NACC2: variants seen among roughly 807,000 people sequenced by gnomAD.
NACC2 encodes NACC family member 2, also known as nucleus accumbens-associated protein 2.
A neutral mutation model predicts 25.1 loss-of-function variants in NACC2; 8 were observed. That is an observed-to-expected ratio of 0.32 (90% CI 0.19 to 0.57). NACC2 has a LOEUF of 0.57. Ranked by LOEUF, NACC2 falls within the 20% of genes least tolerant of loss-of-function variation. NACC2 has a pLI of 0.89. For synonymous variants in NACC2, 435 were observed against 294.7 expected (o/e 1.48, Z -4.88); for missense variants, 644 against 650.2 (o/e 0.99, Z 0.10).
At chr9:136,027,587 T>G (rs545367420) in intron 2 of NACC2, among the ~76,000 whole-genome samples, 7 of 152,226 alleles carry the variant, frequency 4.6e-5, no homozygotes, top group African/African-American at 1.7e-4. Context: ...CCAAAAAGGT[T>G]TGTAAATTAA....
At chr9:136,038,767 C>T in intron 2 of NACC2, among the ~76,000 whole-genome samples, 1 of 152,104 alleles carries the variant, frequency 6.6e-6, no homozygotes, top group East Asian at 1.9e-4. Context: ...TTAAGTTATG[C>T]ACGAGGGGCA....
rs548166081 is a variant in NACC2 at position 136,086,547 on chromosome 9, G to A, written c.-60+8642C>T. Among the ~76,000 whole-genome samples, 20 of 152,066 alleles carry A rather than the reference G, an allele frequency of 1.3e-4. No individual in the cohort carries two copies. Among genetic ancestry groups the A allele is most frequent in the African/African-American group, 2.7e-4 (11 of 41,462 alleles). On this transcript the variant is annotated intron_variant, in intron 1 of 5. Coordinates refer to ENST00000277554, the MANE Select transcript of NACC2 (RefSeq NM_144653.5). This position sits in a 1 kb window ranked among gnomAD's most constrained non-coding sequence, Gnocchi z 5.6. ...CATCTGCCTGCCAGCACCCAGCCAC[G>A]GTCCCACCCCGGGCTCCACTGTGAC... is the stretch of plus-strand genomic sequence containing the variant.
chr9:136,072,538 C>CT (rs1472432664), intron 1 of NACC2, among the ~76,000 whole-genome samples: 2 of 151,966 alleles, frequency 1.3e-5, no homozygotes, highest in African/African-American at 4.8e-5. Flanking sequence ...GGGCAAGACT[C>CT]TGTCTCAAAA....
In NACC2 at chr9:136,027,303, A is replaced by G. The variant is rs1840407243; in HGVS notation, c.887-10874T>C. ...GAGAAAACCTCAAACAAGAGGACAA[A>G]TGATAGAAAGAGATGTACCAGGTAA... On this transcript the variant is annotated intron_variant, in intron 2 of 5. Transcript: ENST00000277554. Among the ~76,000 whole-genome samples, 8 of 152,350 alleles carry G rather than the reference A, an allele frequency of 5.3e-5. No homozygotes were observed. In the South Asian group the frequency reaches 1.7e-3, roughly 32 times the overall value.
chr9:136,066,086 G>A (rs955566929), intron 1 of NACC2, among the ~76,000 whole-genome samples: 6 of 151,578 alleles, frequency 4.0e-5, no homozygotes, highest in African/African-American at 1.2e-4. Context: ...CCAGCTACTC[G>A]GGAGGCTGAA....
intron 1 of NACC2, among the ~76,000 whole-genome samples, chr9:136,058,574 G>C (rs1044624214): frequency 6.6e-6 from 1 of 152,182 alleles, no homozygotes; most frequent in African/African-American, 2.4e-5. Context: ...CAGACTCTAG[G>C]AACAACAGGA....
rs909259958 is a variant in NACC2, at chr9:136,053,050, G to A, written c.-59-2470C>T. On this transcript the variant is annotated intron_variant, in intron 1 of 5. Coordinates refer to ENST00000277554, the MANE Select transcript of NACC2 (RefSeq NM_144653.5). ...AAAAGAAGGGGCAGGGTCCAGGCTC[G>A]AGGCCTTGAGGTGAGCCCCCTCCTG... Among the ~76,000 whole-genome samples the A allele has an allele frequency of 2.0e-4, 31 of 152,356 alleles. 1 individual carries two copies. The highest frequency in any genetic ancestry group is 7.0e-4 in the African/African-American group (29 of 41,582).
intron 1 of NACC2, among the ~76,000 whole-genome samples, chr9:136,083,086 T>C (rs193241832): frequency 1.4e-3 from 206 of 152,338 alleles, no homozygotes; most frequent in African/African-American, 4.8e-3. Context: ...AGAACCTTTC[T>C]GGCACCGCAA....
intron 2 of NACC2, among the ~76,000 whole-genome samples, chr9:136,038,807 A>C (rs1840591010): frequency 1.3e-5 from 2 of 152,132 alleles, no homozygotes; most frequent in African/African-American, 4.8e-5. Context: ...GGCTGAGGGA[A>C]GTGAGAGATG....
rs1840078556 is a variant in NACC2 at position 136,009,878 on chromosome 9, TG to T, written c.*1637del. On this transcript the variant is annotated 3_prime_UTR_variant, in exon 6 of 6. Coordinates refer to ENST00000277554, the MANE Select transcript of NACC2 (RefSeq NM_144653.5). ...GATGGGCGCAGGGCTGCACTTGTTTTGCAAGTGAAGATGGGGAAGCCGAGTT... is the reference window on the plus strand; with the variant it reads ...GATGGGCGCAGGGCTGCACTTGTTTTCAAGTGAAGATGGGGAAGCCGAGTT... 1 of 152,180 alleles carries T rather than the reference TG, an allele frequency of 6.6e-6. No individual in the cohort carries two copies. Among genetic ancestry groups the T allele is most frequent in the African/African-American group, 2.4e-5 (1 of 41,406 alleles). 9.4% of individuals were successfully genotyped at this position (152,180 alleles called of 1,614,324 possible).
chr9:136,081,111 G>A (rs903130244), intron 1 of NACC2, among the ~76,000 whole-genome samples: 7 of 152,088 alleles, frequency 4.6e-5, no homozygotes, highest in African/African-American at 7.2e-5. Flanking sequence ...CATATTTCTC[G>A]TAACACAGGA....
intron 1 of NACC2, among the ~76,000 whole-genome samples, chr9:136,082,770 C>CTAA (rs1405849421): frequency 6.6e-6 from 1 of 152,230 alleles, no homozygotes; most frequent in Non-Finnish European, 1.5e-5. Context: ...GCGGGTGGGG[C>CTAA]TGGCTCTTGG....
At position 136,071,244 on chromosome 9, in the gene NACC2, A is replaced by G. The variant is rs1232906053; in HGVS notation, c.-59-20664T>C. 2.6e-5 allele frequency among the ~76,000 whole-genome samples: 4 copies of G among 151,472 alleles called. No homozygotes were observed. In the East Asian group the frequency reaches 7.7e-4, roughly 29 times the overall value. On this transcript the variant is annotated intron_variant, in intron 1 of 5. Transcript: ENST00000277554. ...AGAGCAAGACTACGTCTCAAAAAAA[A>G]TAAAGTAAAATTTAAAAAGGCTGGG...
At chr9:136,039,398 G>A (rs1012507827) in intron 2 of NACC2, among the ~76,000 whole-genome samples, 12 of 152,148 alleles carry the variant, frequency 7.9e-5, no homozygotes, top group African/African-American at 1.2e-4. Context: ...AAGTGGCTTC[G>A]CTGGTAAGAC....
At chr9:136,064,933 G>T (rs1280254213) in intron 1 of NACC2, among the ~76,000 whole-genome samples, 1 of 152,164 alleles carries the variant, frequency 6.6e-6, no homozygotes, top group East Asian at 1.9e-4. Context: ...TTTAACAAGG[G>T]TGCCAAGACC....
rs1840044734 is a variant in NACC2, at chr9:136,007,644, T to C, written c.*3872A>G. Reference sequence around the variant, plus strand: ...ATGCAGCAGCAACATTCTGAAACAGTAGTTACAGCTGAGGACAGCTACGAG... The same window carrying C: ...ATGCAGCAGCAACATTCTGAAACAGCAGTTACAGCTGAGGACAGCTACGAG... On this transcript the variant is annotated 3_prime_UTR_variant, in exon 6 of 6. Transcript: ENST00000277554. 1.3e-5 allele frequency: 2 copies of C among 152,190 alleles called. No homozygotes were observed. Among genetic ancestry groups the C allele is most frequent in the Admixed American group, 6.5e-5 (1 of 15,276 alleles). 9.4% of individuals were successfully genotyped at this position (152,190 alleles called of 1,614,324 possible). A position where few individuals can be genotyped will look rare whatever the true frequency, so the allele number is the denominator to read the frequency against.
At chr9:136,079,385 G>A (rs913694953) in intron 1 of NACC2, among the ~76,000 whole-genome samples, 1 of 152,204 alleles carries the variant, frequency 6.6e-6, no homozygotes, top group Non-Finnish European at 1.5e-5. Context: ...ACAAGCACAG[G>A]ATGCCAACTG....
intron 2 of NACC2, 145 bp from the exon 3 acceptor site, chr9:136,016,574 T>A: frequency 1.1e-6 from 1 of 937,290 alleles, no homozygotes; most frequent in Non-Finnish European, 1.6e-6. Flanking sequence ...TCTGTGCCGC[T>A]CTCCTGCTGG....
At chr9:136,044,683 T>TCTTCTTG (rs1467747859) in intron 2 of NACC2, among the ~76,000 whole-genome samples, 11 of 152,214 alleles carry the variant, frequency 7.2e-5, no homozygotes, top group African/African-American at 2.7e-4. Flanking sequence ...GTTCAGCCCC[T>TCTTCTTG]CTTCTTGCTT....
Sources: allele counts gnomAD v4.1 joint callset (sites outside exome capture counted in the v4.1 genomes callset), GRCh38; gene constraint gnomAD v4.1.1; non-coding constraint Gnocchi (gnomAD v3.1); transcripts MANE v1.5; gene names NCBI Gene and HGNC (gene_info 2026-07-23, HGNC 2026-07-21).